The following FOXP1 variants were observed in gnomAD, a reference collection of about 807,000 sequenced individuals.
FOXP1 encodes forkhead box P1.
In FOXP1, 15 loss-of-function variants were observed where a neutral mutation model predicts 98.2. The ratio of observed to expected loss-of-function variants is 0.15; its 90% CI spans 0.10 to 0.24. FOXP1 has a LOEUF of 0.24. FOXP1 is among the 10% of genes least tolerant of loss of function. FOXP1 has a pLI of 1.00. For missense variants in FOXP1, 633 were observed against 848.5 expected, an observed-to-expected ratio of 0.75 and a Z score of 3.15; for synonymous variants, 371 against 314.5, an observed-to-expected ratio of 1.18 and a Z score of -1.90.
intron 11 of FOXP1, among the ~76,000 whole-genome samples, chr3:71,037,028 C>T (rs1325342803): frequency 1.3e-5 from 2 of 152,140 alleles, no homozygotes; most frequent in East Asian, 3.9e-4. Flanking sequence ...CCACTAACCA[C>T]CAGTTCTATG....
chr3:71,034,286 T>C (rs1024943006), intron 11 of FOXP1, among the ~76,000 whole-genome samples: 2 of 152,034 alleles, frequency 1.3e-5, no homozygotes, highest in African/African-American at 4.8e-5. Context: ...CACTCTGTAG[T>C]CCAATTCTCA....
chr3:71,566,236 C>T (rs2046904503), intron 2 of FOXP1, among the ~76,000 whole-genome samples: 1 of 152,226 alleles, frequency 6.6e-6, no homozygotes, highest in African/African-American at 2.4e-5. Flanking sequence ...TCCCAACCTG[C>T]AAAGCAGCAC....
At chr3:71,280,138 A>AAAAAAAAAAAAAAAAAAAAAAAAAAC in intron 5 of FOXP1, among the ~76,000 whole-genome samples, 1 of 151,268 alleles carries the variant, frequency 6.6e-6, no homozygotes. Context: ...AAAAAAAAAA[A>AAAAAAAAAAAAAAAAAAAAAAAAAAC]AAAAAAAAAA....
At chr3:70,986,790 A>G (rs1283906156) in intron 14 of FOXP1, among the ~76,000 whole-genome samples, 1 of 152,188 alleles carries the variant, frequency 6.6e-6, no homozygotes, top group Non-Finnish European at 1.5e-5. Flanking sequence ...CCTGGTAAAA[A>G]TGGATGCACG....
chr3:71,063,012 G>C (rs2051763746), intron 7 of FOXP1, among the ~76,000 whole-genome samples: 1 of 152,150 alleles, frequency 6.6e-6, no homozygotes, highest in African/African-American at 2.4e-5. Flanking sequence ...ACTCTTGACA[G>C]GCAACTACAC....
intron 11 of FOXP1, chr3:71,040,511 C>T (rs2048197410): frequency 6.6e-6 from 1 of 152,140 alleles, no homozygotes; most frequent in South Asian, 2.1e-4. Context: ...GGTATTAATG[C>T]TTCTGGGTAC....
chr3:71,001,946 C>A (rs2042175881), intron 12 of FOXP1, among the ~76,000 whole-genome samples: 1 of 152,180 alleles, frequency 6.6e-6, no homozygotes, highest in Non-Finnish European at 1.5e-5. Flanking sequence ...ATGAACAAGA[C>A]TGTCATGATA....
chr3:71,326,567 T>C (rs1249389613), intron 4 of FOXP1, among the ~76,000 whole-genome samples: 4 of 152,074 alleles, frequency 2.6e-5, no homozygotes, highest in African/African-American at 7.2e-5. Context: ...TGTGAAAAAA[T>C]AGAAGGAAGG....
chr3:71,334,048 A>G (rs944491351), intron 4 of FOXP1: 1 of 152,202 alleles, frequency 6.6e-6, no homozygotes, highest in Non-Finnish European at 1.5e-5. Flanking sequence ...ATTAAGAGAG[A>G]GAGAAGGATT....
chr3:71,479,681 A>G (rs1285960244), intron 3 of FOXP1, among the ~76,000 whole-genome samples: 5 of 145,964 alleles, frequency 3.4e-5, no homozygotes, highest in Non-Finnish European at 7.5e-5. Flanking sequence ...CATCATCTCA[A>G]AAAAAAAAAA....
In FOXP1 at chr3:71,449,898, T is replaced by C. The variant is rs146709653; in HGVS notation, c.-168+43528A>G. Among the ~76,000 whole-genome samples the C allele has an allele frequency of 4.4e-3, 669 of 152,306 alleles. 6 individuals are homozygous for C. Among genetic ancestry groups the C allele is most frequent in the African/African-American group, 0.015 (644 of 41,576 alleles). On this transcript the variant is annotated intron_variant, in intron 3 of 20. Coordinates refer to ENST00000649528, the MANE Select transcript of FOXP1 (RefSeq NM_001349338.3). ...CTAAATACAATCTCACATAGGTCTA[T>C]GAAATACGAGGTAAATAAAAGTTTA...
At chr3:71,070,342 C>T (rs1162808344) in intron 7 of FOXP1, among the ~76,000 whole-genome samples, 1 of 152,152 alleles carries the variant, frequency 6.6e-6, no homozygotes, top group Non-Finnish European at 1.5e-5. Context: ...GGGCATCTTG[C>T]CTTCTTTTGC....
At chr3:71,160,022 A>G (rs566106365) in intron 6 of FOXP1, among the ~76,000 whole-genome samples, 1 of 152,310 alleles carries the variant, frequency 6.6e-6, no homozygotes, top group Admixed American at 6.5e-5. Flanking sequence ...CACTTCCTTC[A>G]AGAAGAGGCA....
chr3:71,424,415 A>G (rs984540835), intron 3 of FOXP1, among the ~76,000 whole-genome samples: 3 of 152,182 alleles, frequency 2.0e-5, no homozygotes, highest in Non-Finnish European at 4.4e-5. Context: ...AATGTTACCA[A>G]TGAGGAAACA....
chr3:71,483,156 G>C (rs1431666293), intron 3 of FOXP1, among the ~76,000 whole-genome samples: 2 of 151,982 alleles, frequency 1.3e-5, no homozygotes, highest in African/African-American at 2.4e-5. Flanking sequence ...ACTTTTCAAA[G>C]TCTACTTTTC....
chr3:71,236,667 G>A (rs960194000), intron 5 of FOXP1, among the ~76,000 whole-genome samples: 2 of 152,082 alleles, frequency 1.3e-5, no homozygotes, highest in Non-Finnish European at 2.9e-5. Flanking sequence ...CCCAGAAGTT[G>A]GAGACCAGCC....
At chr3:71,109,475 G>A (rs2057729844) in intron 7 of FOXP1, among the ~76,000 whole-genome samples, 1 of 149,636 alleles carries the variant, frequency 6.7e-6, no homozygotes, top group South Asian at 2.1e-4. Context: ...CTTCTTCCCT[G>A]TCAAGCCTTC....
chr3:71,430,891 C>G (rs1043121821), intron 3 of FOXP1, among the ~76,000 whole-genome samples: 1 of 152,152 alleles, frequency 6.6e-6, no homozygotes, highest in African/African-American at 2.4e-5. Context: ...TTACAGGTCA[C>G]TGACTTTAGA....
chr3:71,312,345 G>A (rs568789593), intron 4 of FOXP1, among the ~76,000 whole-genome samples: 1 of 152,228 alleles, frequency 6.6e-6, no homozygotes, highest in South Asian at 2.1e-4. Context: ...GCAGCAGGGT[G>A]GAGGTATAGA....
Sources: gnomAD v4.1 joint callset for allele counts (sites outside exome capture counted in the v4.1 genomes callset) on GRCh38, gnomAD v4.1.1 for gene constraint, MANE v1.5 for transcripts, NCBI Gene and HGNC (gene_info 2026-07-23, HGNC 2026-07-21) for gene names.